The following NECTIN1 variants were observed in gnomAD, a reference collection of about 807,000 sequenced individuals.
NECTIN1 encodes the protein nectin-1.
A neutral mutation model predicts 48.0 loss-of-function variants in NECTIN1; 23 were observed. The observed-to-expected ratio is 0.48, with a 90% CI of 0.34 to 0.68. NECTIN1 has a LOEUF of 0.68. Among genes scored for constraint, NECTIN1 ranks in the 30% least tolerant of loss-of-function variants. The pLI is 0.01. For synonymous variants in NECTIN1, 270 were observed against 288.9 expected (o/e 0.93, Z 0.66); for missense variants, 591 against 709.9 (o/e 0.83, Z 1.90).
At position 119,664,967 on chromosome 11, in the gene NECTIN1, C is replaced by T. The variant is rs1410411832; in HGVS notation, c.1334G>A (p.Gly445Asp). The T allele has an allele frequency of 6.2e-7, 1 of 1,610,564 alleles. No homozygotes were observed. The highest frequency in any genetic ancestry group is 8.5e-7 in the Non-Finnish European group (1 of 1,177,638). The change falls in exon 6 of 6, where the codon GGC (glycine) becomes GAC (aspartate). Residue 445 changes from glycine to aspartate, a missense_variant. Gly to Asp is a moderately conservative substitution (Grantham distance 94). Transcript: ENST00000264025. ...SYEEEEEEEE[G>D]GGGGERKVGG... The stretch of plus-strand genomic sequence containing the variant: ...CACCTTGCGCTCGCCCCCTCCACCG[C>T]CCTCCTCCTCCTCCTCCTCCTCCTC...
At chr11:119,714,673 A>G (rs1221164930) in intron 1 of NECTIN1, among the ~76,000 whole-genome samples, 3 of 151,908 alleles carry the variant, frequency 2.0e-5, no homozygotes, top group South Asian at 2.1e-4. Flanking sequence ...CCCATCGCCA[A>G]CTTAATTCCT....
intron 1 of NECTIN1, among the ~76,000 whole-genome samples, chr11:119,707,452 C>T (rs1865567901): frequency 6.6e-6 from 1 of 152,136 alleles, no homozygotes; most frequent in Non-Finnish European, 1.5e-5. Flanking sequence ...CCTGCCAAAC[C>T]TTCCACCCCA....
chr11:119,651,543 G>A (rs762618407), intron 5 of NECTIN1, among the ~76,000 whole-genome samples: 7 of 152,034 alleles, frequency 4.6e-5, no homozygotes, highest in East Asian at 1.9e-4. Flanking sequence ...CTCCCCTCTC[G>A]TGGGGGCTTG....
At position 119,675,339 on chromosome 11, in the gene NECTIN1, G is replaced by A. The variant is rs766751957; in HGVS notation, c.852-29C>T. The A allele has an allele frequency of 6.2e-6, 10 of 1,613,884 alleles. No homozygotes were observed. In the Admixed American group the frequency reaches 1.2e-4, roughly 19 times the overall value. On this transcript the variant is annotated intron_variant, in intron 4 of 5. Coordinates refer to ENST00000264025, the MANE Select transcript of NECTIN1 (RefSeq NM_002855.5). ...TGGGAAGTGGGAGACACAGCGTAGG[G>A]TTATGACTCTCCAGCCTCAAGAAGC...
chr11:119,646,426 C>T (rs1032989405), intron 5 of NECTIN1, among the ~76,000 whole-genome samples: 3 of 152,206 alleles, frequency 2.0e-5, no homozygotes, highest in East Asian at 1.9e-4. Flanking sequence ...CTGACGGTAA[C>T]GGGGATGATG....
intron 1 of NECTIN1, among the ~76,000 whole-genome samples, chr11:119,716,289 C>T (rs1162429546): frequency 6.6e-6 from 1 of 152,156 alleles, no homozygotes; most frequent in African/African-American, 2.4e-5. Flanking sequence ...GTTCCTGGGC[C>T]TGGCTTCCCC....
chr11:119,679,452 A>G (rs1865022380), intron 1 of NECTIN1, among the ~76,000 whole-genome samples: 1 of 152,144 alleles, frequency 6.6e-6, no homozygotes, highest in Non-Finnish European at 1.5e-5. Context: ...TTACCCAGCT[A>G]GGCAGAGGGA....
chr11:119,667,876 T>G (rs910353210), intron 5 of NECTIN1, among the ~76,000 whole-genome samples: 5 of 152,150 alleles, frequency 3.3e-5, no homozygotes, highest in Admixed American at 6.5e-5. Flanking sequence ...CCACAGCATC[T>G]CCCAAACTGT....
In NECTIN1 at chr11:119,664,917, C is replaced by T. The variant is rs779779190; in HGVS notation, c.1384G>A (p.Glu462Lys). Reference sequence around the variant, plus strand: ...GTGAAGTAGGGCCGCTTGGCGTCCTCGTCATATTTGGGGTGGGGGCCGCCC... The same window carrying T: ...GTGAAGTAGGGCCGCTTGGCGTCCTTGTCATATTTGGGGTGGGGGCCGCCC... ...KVGGPHPKYD[E>K]DAKRPYFTVD... is the part of the protein sequence containing the mutation. The change falls in exon 6 of 6, where the codon GAG becomes AAG. Residue 462 changes from glutamate (E) to lysine (K), a missense_variant. Physicochemically the swap from Glu to Lys is moderately conservative, Grantham distance 56 (BLOSUM62 1). Coordinates refer to ENST00000264025, the MANE Select transcript of NECTIN1 (RefSeq NM_002855.5). 16 of 1,613,896 alleles carry T rather than the reference C, an allele frequency of 9.9e-6. No homozygotes were observed. The highest frequency in any genetic ancestry group is 7.7e-5 in the South Asian group (7 of 91,072).
rs1420902099 is a variant in NECTIN1 at position 119,675,191 on chromosome 11, G to A, written c.971C>T (p.Thr324Ile). Residue 324 changes from threonine (T) to isoleucine (I), a missense_variant, in exon 5 of 6, where the codon ACA becomes ATA. Thr to Ile is a moderately conservative substitution (Grantham distance 89). Transcript: ENST00000264025. ...ATTGACCTCCACCTGGCCTGAGCGTGTACCGATGGGGTTGGTGGCCTCACA... is the reference window on the plus strand; with the variant it reads ...ATTGACCTCCACCTGGCCTGAGCGTATACCGATGGGGTTGGTGGCCTCACA... Reference protein sequence around the residue: ...YICEATNPIGTRSGQVEVNIT... With the variant: ...YICEATNPIGIRSGQVEVNIT... 4 of 1,614,104 alleles carry A rather than the reference G, an allele frequency of 2.5e-6. No individual in the cohort carries two copies. The highest frequency in any genetic ancestry group is 3.4e-6 in the Non-Finnish European group (4 of 1,180,062).
chr11:119,711,904 C>T (rs1253324814), intron 1 of NECTIN1, among the ~76,000 whole-genome samples: 1 of 152,148 alleles, frequency 6.6e-6, no homozygotes, highest in East Asian at 1.9e-4. Flanking sequence ...TTATTGTCAC[C>T]CTGCACAGGA....
intron 1 of NECTIN1, among the ~76,000 whole-genome samples, chr11:119,680,580 G>C (rs746537325): frequency 1.3e-5 from 2 of 152,192 alleles, no homozygotes; most frequent in African/African-American, 4.8e-5. Flanking sequence ...TCTTCCGCTC[G>C]AGAGGCCACA....
At chr11:119,724,399 T>A (rs1865876744) in intron 1 of NECTIN1, among the ~76,000 whole-genome samples, 1 of 151,920 alleles carries the variant, frequency 6.6e-6, no homozygotes, top group South Asian at 2.1e-4. Context: ...GTCTTCAGCA[T>A]CTCCCTGCGA....
chr11:119,694,505 G>C (rs1267310894), intron 1 of NECTIN1, among the ~76,000 whole-genome samples: 1 of 152,240 alleles, frequency 6.6e-6, no homozygotes, highest in East Asian at 1.9e-4. Flanking sequence ...AGGCAGTTGG[G>C]AGGCCTGGGT....
At chr11:119,695,732 G>T (rs752056263) in intron 1 of NECTIN1, among the ~76,000 whole-genome samples, 1 of 152,178 alleles carries the variant, frequency 6.6e-6, no homozygotes, top group Non-Finnish European at 1.5e-5. Flanking sequence ...TAAGAGAAAG[G>T]CTGATGGGCT....
chr11:119,701,630 C>T (rs922153507), intron 1 of NECTIN1, among the ~76,000 whole-genome samples: 3 of 152,184 alleles, frequency 2.0e-5, no homozygotes, highest in Non-Finnish European at 4.4e-5. Context: ...AGACTCTTCC[C>T]TTCCTCCTGG....
intron 1 of NECTIN1, among the ~76,000 whole-genome samples, chr11:119,719,006 T>G (rs1865785793): frequency 6.6e-6 from 1 of 152,224 alleles, no homozygotes; most frequent in Non-Finnish European, 1.5e-5. Flanking sequence ...GAAGGTAATT[T>G]TATACAGTGG....
At chr11:119,674,581 G>A (rs1469034481) in intron 5 of NECTIN1, 1 of 1,614,086 alleles carries the variant, frequency 6.2e-7, no homozygotes, top group African/African-American at 1.3e-5. Flanking sequence ...CGTCCCAGGT[G>A]AAGTCTCTCC....
At chr11:119,697,957 T>C (rs1484224222) in intron 1 of NECTIN1, among the ~76,000 whole-genome samples, 1 of 152,226 alleles carries the variant, frequency 6.6e-6, no homozygotes, top group Non-Finnish European at 1.5e-5. Flanking sequence ...AGCCTGAGTC[T>C]TCTCCCAGCT....
Sources: allele counts gnomAD v4.1 joint callset (sites outside exome capture counted in the v4.1 genomes callset), GRCh38; gene constraint gnomAD v4.1.1; transcripts MANE v1.5; gene names NCBI Gene and HGNC (gene_info 2026-07-23, HGNC 2026-07-21).